Variants in RPS6KC1 observed in about 807,000 individuals in gnomAD.
The protein encoded by RPS6KC1 is inactive ribosomal protein S6 kinase delta-1.
Under a neutral mutation model 103.8 loss-of-function variants are expected in RPS6KC1, and 54 were observed. The ratio of observed to expected loss-of-function variants is 0.52; its 90% confidence interval spans 0.42 to 0.65. The LOEUF is 0.65. Ranked by LOEUF, RPS6KC1 falls within the 30% of genes least tolerant of loss-of-function variation. The probability of loss-of-function intolerance (pLI) is 0.00; values close to 1 mark genes in which losing one functional copy is unlikely to be tolerated. For missense variants in RPS6KC1, 1,151 were observed against 1,253.8 expected, an observed-to-expected ratio of 0.92 and a Z score of 1.24; for synonymous variants, 439 against 438.7, an observed-to-expected ratio of 1.00 and a Z score of -0.01.
the RPS6KC1 span, among the ~76,000 whole-genome samples, chr1:213,545,063 C>T: frequency 6.6e-6 from 1 of 152,078 alleles, no homozygotes; most frequent in Non-Finnish European, 1.5e-5. Context: ...TCTTTCAGGG[C>T]TATAAGAGAG....
chr1:213,277,617 A>G (rs1194443868), downstream of RPS6KC1, among the ~76,000 whole-genome samples: 2 of 152,238 alleles, frequency 1.3e-5, no homozygotes, highest in Non-Finnish European at 2.9e-5. Context: ...ATCCCAGGAA[A>G]AGAGATGGCC....
chr1:213,673,156 T>C, the RPS6KC1 span, among the ~76,000 whole-genome samples: 1 of 152,162 alleles, frequency 6.6e-6, no homozygotes, highest in Admixed American at 6.5e-5. Flanking sequence ...CTGGGATTCA[T>C]ACAGATCCAT....
At chr1:213,585,935 T>G in the RPS6KC1 span, among the ~76,000 whole-genome samples, 130 of 152,330 alleles carry the variant, frequency 8.5e-4, no homozygotes, top group South Asian at 6.2e-4. Context: ...GGGGATATGC[T>G]GGATTGAGAG....
At chr1:213,827,244 T>C in the RPS6KC1 span, among the ~76,000 whole-genome samples, 1,252 of 152,238 alleles carry the variant, frequency 8.2e-3, 16 homozygotes, top group African/African-American at 0.029. Flanking sequence ...TGGGTGAAAA[T>C]GGCTCAGACC....
chr1:213,623,793 C>T, the RPS6KC1 span, among the ~76,000 whole-genome samples: 1 of 152,106 alleles, frequency 6.6e-6, no homozygotes, highest in Non-Finnish European at 1.5e-5. Flanking sequence ...GGCAGAGGTA[C>T]AGTAGGTGGC....
At chr1:213,370,493 C>A in the RPS6KC1 span, among the ~76,000 whole-genome samples, 1 of 151,944 alleles carries the variant, frequency 6.6e-6, no homozygotes, top group Admixed American at 6.6e-5. Flanking sequence ...AAACTGAGAG[C>A]CCCCAGTTTC....
the RPS6KC1 span, among the ~76,000 whole-genome samples, chr1:213,769,854 C>T: frequency 9.2e-5 from 14 of 152,126 alleles, no homozygotes; most frequent in Non-Finnish European, 1.9e-4. Context: ...GTAAAATAGT[C>T]GTGCCAGCTG....
chr1:213,269,382 G>A (rs1443575179), intron 14 of RPS6KC1, among the ~76,000 whole-genome samples: 3 of 152,170 alleles, frequency 2.0e-5, no homozygotes, highest in Non-Finnish European at 2.9e-5. Context: ...CATTCTCCAT[G>A]ATTTATAGAA....
Position 213,241,857 on chromosome 1 carries a change from G to C in RPS6KC1, c.2381G>C (p.Ser794Thr). 2 of 1,613,998 alleles carry C rather than the reference G, an allele frequency of 1.2e-6. No homozygotes were observed. Among genetic ancestry groups the C allele is most frequent in the Non-Finnish European group, 1.7e-6 (2 of 1,179,942 alleles). The change falls in exon 11 of 15, where the codon AGC (serine) becomes ACC (threonine). Residue 794 changes from serine to threonine, a missense_variant. Coordinates refer to ENST00000366960, the MANE Select transcript of RPS6KC1 (RefSeq NM_012424.6). ...TCAGGAGATATGTCTTTGTTACCCA[G>C]CTCAGATCCTAAGTTTCAAGGACTT... ...SSSGDMSLLP[S>T]SDPKFQGLGV... is the part of the protein sequence containing the mutation.
At chr1:213,102,782 T>TA (rs902168224) in intron 3 of RPS6KC1, among the ~76,000 whole-genome samples, 13 of 152,196 alleles carry the variant, frequency 8.5e-5, no homozygotes, top group African/African-American at 3.1e-4. Flanking sequence ...TGATAAAAGT[T>TA]ATAGACCCTA....
the RPS6KC1 span, among the ~76,000 whole-genome samples, chr1:213,301,709 ATTTATTTATTTATTTATTTAT>A: frequency 2.9e-5 from 4 of 136,194 alleles, no homozygotes; most frequent in African/African-American, 1.3e-4. Flanking sequence ...TTATTTATTT[ATTTATTTATTTATTTATTTAT>A]TTATTTATTT....
chr1:213,411,182 G>A, the RPS6KC1 span, among the ~76,000 whole-genome samples: 11 of 152,098 alleles, frequency 7.2e-5, no homozygotes, highest in East Asian at 3.9e-4. Flanking sequence ...CTGTCTTTAC[G>A]GAAGGCCTTC....
At chr1:213,766,262 T>A in the RPS6KC1 span, among the ~76,000 whole-genome samples, 1 of 152,186 alleles carries the variant, frequency 6.6e-6, no homozygotes, top group Non-Finnish European at 1.5e-5. Flanking sequence ...AAACATGCAA[T>A]TTTTCAGGGT....
At chr1:213,703,208 G>T in the RPS6KC1 span, among the ~76,000 whole-genome samples, 1 of 152,092 alleles carries the variant, frequency 6.6e-6, no homozygotes, top group Non-Finnish European at 1.5e-5. Context: ...AAATAAACAA[G>T]CAAGTGAAAA....
At chr1:213,276,161 A>T (rs2095112090), downstream of RPS6KC1, among the ~76,000 whole-genome samples, 1 of 152,056 alleles carries the variant, frequency 6.6e-6, no homozygotes, top group Non-Finnish European at 1.5e-5. Flanking sequence ...GTATGCCTTG[A>T]TTGAATTTGC....
At chr1:213,757,513 G>A in the RPS6KC1 span, among the ~76,000 whole-genome samples, 1 of 152,200 alleles carries the variant, frequency 6.6e-6, no homozygotes, top group African/African-American at 2.4e-5. Context: ...TGAGGAAATG[G>A]CAAAGAAAAG....
chr1:213,130,499 C>G (rs1170416064), intron 6 of RPS6KC1, among the ~76,000 whole-genome samples: 1 of 152,098 alleles, frequency 6.6e-6, no homozygotes, highest in African/African-American at 2.4e-5. Context: ...AGTTGCATGA[C>G]TTTTTGGATG....
chr1:213,740,659 A>ATG, the RPS6KC1 span, among the ~76,000 whole-genome samples: 1 of 151,542 alleles, frequency 6.6e-6, no homozygotes, highest in Non-Finnish European at 1.5e-5. Flanking sequence ...TCTCTCAGAT[A>ATG]TATATACACA....
At chr1:213,758,194 TC>T in the RPS6KC1 span, among the ~76,000 whole-genome samples, 1 of 152,150 alleles carries the variant, frequency 6.6e-6, no homozygotes, top group South Asian at 2.1e-4. Context: ...AGGCTATAAC[TC>T]CCATAGATAG....
Sources: allele counts gnomAD v4.1 joint callset (sites outside exome capture counted in the v4.1 genomes callset), GRCh38; gene constraint gnomAD v4.1.1; transcripts MANE v1.5; gene names NCBI Gene and HGNC (gene_info 2026-07-23, HGNC 2026-07-21).